The following AKAP19 variants were observed in gnomAD, a reference collection of about 807,000 sequenced individuals.
AKAP19 encodes the protein small A-kinase anchoring protein.
the AKAP19 span, among the ~76,000 whole-genome samples, chr2:189,936,320 A>C: frequency 1.3e-5 from 2 of 151,908 alleles, no homozygotes; most frequent in South Asian, 4.2e-4. Flanking sequence ...TATGCAGTGC[A>C]TTATTGTTAT....
chr2:190,172,000 C>T, the AKAP19 span, among the ~76,000 whole-genome samples: 10 of 152,184 alleles, frequency 6.6e-5, no homozygotes, highest in African/African-American at 9.7e-5. Context: ...GAATTTTCAA[C>T]GGGTGTCTGT....
At chr2:190,123,101 CCA>C in the AKAP19 span, among the ~76,000 whole-genome samples, 2 of 151,906 alleles carry the variant, frequency 1.3e-5, no homozygotes, top group Non-Finnish European at 2.9e-5. Flanking sequence ...CATGAGCCCC[CCA>C]CACACACACT....
the AKAP19 span, among the ~76,000 whole-genome samples, chr2:189,960,125 G>A: frequency 6.6e-6 from 1 of 152,234 alleles, no homozygotes; most frequent in Non-Finnish European, 1.5e-5. Flanking sequence ...TACATATCAC[G>A]TGTTTGATCA....
At chr2:189,948,855 G>A in the AKAP19 span, among the ~76,000 whole-genome samples, 1 of 151,334 alleles carries the variant, frequency 6.6e-6, no homozygotes, top group African/African-American at 2.4e-5. Flanking sequence ...TTGGTATTCA[G>A]CTTAGAAAGA....
At chr2:189,930,861 T>C in the AKAP19 span, 138 of 742,590 alleles carry the variant, frequency 1.9e-4, no homozygotes, top group Non-Finnish European at 3.2e-4. Flanking sequence ...TGCTAGGTGT[T>C]GGATGGTAGA....
At chr2:190,069,059 A>G in the AKAP19 span, among the ~76,000 whole-genome samples, 2 of 151,970 alleles carry the variant, frequency 1.3e-5, no homozygotes, top group Non-Finnish European at 2.9e-5. Flanking sequence ...ACATAGGTTC[A>G]TATTAAGTTT....
At chr2:190,019,827 CTA>C in the AKAP19 span, among the ~76,000 whole-genome samples, 1 of 152,114 alleles carries the variant, frequency 6.6e-6, no homozygotes, top group Non-Finnish European at 1.5e-5. Context: ...CAAAGTGAAA[CTA>C]TTTCTCCTAC....
At chr2:190,184,097 A>C in the AKAP19 span, among the ~76,000 whole-genome samples, 3 of 152,258 alleles carry the variant, frequency 2.0e-5, no homozygotes, top group African/African-American at 7.2e-5. Context: ...AAATAACTCT[A>C]ATCAGTATCT....
At chr2:189,997,591 T>C in the AKAP19 span, among the ~76,000 whole-genome samples, 1 of 152,148 alleles carries the variant, frequency 6.6e-6, no homozygotes, top group Non-Finnish European at 1.5e-5. Context: ...CCCATGCAGC[T>C]GGCGAAGCTG....
At chr2:190,035,355 C>G in the AKAP19 span, among the ~76,000 whole-genome samples, 4 of 151,800 alleles carry the variant, frequency 2.6e-5, no homozygotes, top group South Asian at 8.4e-4. Flanking sequence ...TGCTTGAACC[C>G]GGGAGGTGAA....
chr2:189,995,168 T>C, the AKAP19 span, among the ~76,000 whole-genome samples: 5 of 152,338 alleles, frequency 3.3e-5, no homozygotes, highest in South Asian at 8.3e-4. Flanking sequence ...TTTAAGTCCA[T>C]TGTGTCTTTG....
chr2:190,070,215 G>A, the AKAP19 span, among the ~76,000 whole-genome samples: 3 of 152,014 alleles, frequency 2.0e-5, no homozygotes, highest in Admixed American at 1.3e-4. Context: ...AATGTCTACT[G>A]ACTAAATGTA....
At chr2:190,058,522 G>T in the AKAP19 span, among the ~76,000 whole-genome samples, 1 of 151,850 alleles carries the variant, frequency 6.6e-6, no homozygotes, top group African/African-American at 2.4e-5. Flanking sequence ...AGATCATTTA[G>T]AAAATTGTAT....
chr2:189,912,417 T>G, the AKAP19 span, among the ~76,000 whole-genome samples: 1 of 152,238 alleles, frequency 6.6e-6, no homozygotes, highest in South Asian at 2.1e-4. Context: ...GGCTCAGACC[T>G]ATAATCCCAG....
the AKAP19 span, among the ~76,000 whole-genome samples, chr2:190,055,076 G>C: frequency 1.2e-4 from 19 of 152,054 alleles, no homozygotes; most frequent in East Asian, 1.9e-3. Flanking sequence ...TTGGAACCAA[G>C]CCAAATGTCC....
At chr2:189,963,654 A>G in the AKAP19 span, among the ~76,000 whole-genome samples, 1 of 152,192 alleles carries the variant, frequency 6.6e-6, no homozygotes, top group Non-Finnish European at 1.5e-5. Flanking sequence ...ATTTCCTCCC[A>G]TGAATCACAA....
At chr2:190,021,155 A>C in the AKAP19 span, among the ~76,000 whole-genome samples, 1 of 152,258 alleles carries the variant, frequency 6.6e-6, no homozygotes, top group South Asian at 2.1e-4. Context: ...CAATAACTGA[A>C]ATGTTTTGCC....
the AKAP19 span, among the ~76,000 whole-genome samples, chr2:190,021,465 A>G: frequency 1.3e-5 from 2 of 152,262 alleles, no homozygotes; most frequent in East Asian, 3.9e-4. Context: ...AATTAACGGG[A>G]TTTTCCACTG....
chr2:190,195,084 G>C, the AKAP19 span, among the ~76,000 whole-genome samples: 1 of 151,964 alleles, frequency 6.6e-6, no homozygotes, highest in Non-Finnish European at 1.5e-5. Context: ...GGCTGGTCTT[G>C]AACTCCTGGG....
Sources: allele counts gnomAD v4.1 joint callset (sites outside exome capture counted in the v4.1 genomes callset), GRCh38; gene constraint gnomAD v4.1.1; transcripts MANE v1.5; gene names NCBI Gene and HGNC (gene_info 2026-07-23, HGNC 2026-07-21).